The following ANKDD1B variants were observed in gnomAD, a reference collection of about 807,000 sequenced individuals.
The protein encoded by ANKDD1B is ankyrin repeat and death domain-containing protein 1B.
A neutral mutation model predicts 59.7 loss-of-function variants in ANKDD1B; 57 were observed. That is an observed-to-expected ratio of 0.95 (90% confidence interval 0.77 to 1.19). ANKDD1B has a LOEUF of 1.19. ANKDD1B is among the 50% of genes most tolerant of loss of function. The probability of loss-of-function intolerance (pLI) is 0.00; values close to 1 mark genes in which losing one functional copy is unlikely to be tolerated. For synonymous variants in ANKDD1B, 216 were observed against 239.5 expected (o/e 0.90, Z 0.91); for missense variants, 602 against 641.9 (o/e 0.94, Z 0.67).
Position 75,649,130 on chromosome 5 carries a change from G to A in ANKDD1B, c.799-4012G>A, listed in dbSNP as rs181457002. ...TAGGTCCTAAAAACTCATTCCTGGAGGTCCTACCTCACATTTTATCATACA... is the reference window on the plus strand; with the variant it reads ...TAGGTCCTAAAAACTCATTCCTGGAAGTCCTACCTCACATTTTATCATACA... On this transcript the variant is annotated intron_variant, in intron 7 of 13. Coordinates refer to ENST00000601380, the MANE Select transcript of ANKDD1B (RefSeq NM_001276713.2). Among the ~76,000 whole-genome samples, 192 of 151,698 alleles carry A rather than the reference G, an allele frequency of 1.3e-3. 2 individuals are homozygous for A. Among genetic ancestry groups the A allele is most frequent in the Non-Finnish European group, 1.2e-3 (79 of 67,980 alleles).
Position 75,635,016 on chromosome 5 carries a change from C to A in ANKDD1B, c.699+20C>A, listed in dbSNP as rs547009138. On this transcript the variant is annotated intron_variant, in intron 6 of 13. Coordinates refer to ENST00000601380, the MANE Select transcript of ANKDD1B (RefSeq NM_001276713.2). Reference sequence around the variant, plus strand: ...GACAAGGTGAGTTGGACTTTTATTTCTTTGCTGAGAACAAGAGAAAGGGGA... The same window carrying A: ...GACAAGGTGAGTTGGACTTTTATTTATTTGCTGAGAACAAGAGAAAGGGGA... 2.9e-5 allele frequency: 43 copies of A among 1,462,700 alleles called. No individual in the cohort carries two copies. The South Asian group carries it at 4.9e-4, about 17-fold the overall frequency. The allele number at this position is 1,462,700 out of a possible 1,614,324, so 90.6% of individuals were successfully genotyped here.
rs1316225031 is a variant in ANKDD1B at position 75,625,721 on chromosome 5, AG to A, written c.472del (p.Ala158GlnfsTer11). The A allele has an allele frequency of 6.5e-7, 1 of 1,536,370 alleles. No homozygotes were observed. The highest frequency in any genetic ancestry group is 1.2e-5 in the South Asian group (1 of 84,052). On this transcript the variant is annotated frameshift_variant, in exon 4 of 14. Coordinates refer to ENST00000601380, the MANE Select transcript of ANKDD1B (RefSeq NM_001276713.2). LOFTEE classifies it high-confidence loss of function. Reference protein sequence around the residue: ...EVMLMLVKAGADQRAKNQDGM... With the variant: ...EVMLMLVKAGXDQRAKNQDGM... ...TCATGCTCATGCTGGTTAAAGCTGGAGCAGACCAGAGAGCCAAGAATCAGGT... is the reference window on the plus strand; with the variant it reads ...TCATGCTCATGCTGGTTAAAGCTGGACAGACCAGAGAGCCAAGAATCAGGT...
intron 9 of ANKDD1B, among the ~76,000 whole-genome samples, chr5:75,657,065 A>G (rs751847800): frequency 1.2e-4 from 19 of 152,338 alleles, no homozygotes; most frequent in African/African-American, 3.4e-4. Flanking sequence ...TTTTCTGGGG[A>G]AAAAAACCAA....
intron 3 of ANKDD1B, among the ~76,000 whole-genome samples, chr5:75,623,839 C>G (rs1458792046): frequency 4.6e-5 from 7 of 152,144 alleles, no homozygotes; most frequent in Admixed American, 2.0e-4. Flanking sequence ...CAAAATCACC[C>G]CCAGTTGAGA....
At chr5:75,661,414 A>AAAAAAAAAAAG (rs1579976382) in intron 10 of ANKDD1B, among the ~76,000 whole-genome samples, 5 of 131,478 alleles carry the variant, frequency 3.8e-5, no homozygotes, top group African/African-American at 1.4e-4. Context: ...AAAAAAAAAA[A>AAAAAAAAAAAG]AAAAAAAAAA....
intron 3 of ANKDD1B, among the ~76,000 whole-genome samples, chr5:75,621,032 C>T (rs930638285): frequency 3.9e-5 from 6 of 152,206 alleles, no homozygotes; most frequent in East Asian, 1.9e-4. Flanking sequence ...TCTCCCTCCA[C>T]GCTGCTTTAT....
chr5:75,664,145 G>A (rs34355), intron 11 of ANKDD1B, among the ~76,000 whole-genome samples: 128,475 of 152,280 alleles, frequency 0.84, 54,514 homozygotes, highest in African/African-American at 0.94. Flanking sequence ...TCTAGGCTGC[G>A]TGGCTACCCC....
At chr5:75,644,764 G>A (rs1774593053) in intron 7 of ANKDD1B, among the ~76,000 whole-genome samples, 1 of 78,230 alleles carries the variant, frequency 1.3e-5, no homozygotes, top group South Asian at 4.4e-4. Context: ...GACATCTACA[G>A]AACTCTCCAC....
chr5:75,670,035 A>G (rs1482489806), intron 13 of ANKDD1B, among the ~76,000 whole-genome samples: 1 of 152,230 alleles, frequency 6.6e-6, no homozygotes, highest in Non-Finnish European at 1.5e-5. Context: ...AAGAAGATAA[A>G]TGAGTGAACA....
chr5:75,636,264 C>T (rs1774298150), intron 7 of ANKDD1B, among the ~76,000 whole-genome samples: 1 of 152,156 alleles, frequency 6.6e-6, no homozygotes, highest in African/African-American at 2.4e-5. Flanking sequence ...TTACAGTTTT[C>T]ACAGAAGAGG....
intron 7 of ANKDD1B, among the ~76,000 whole-genome samples, chr5:75,637,698 A>G (rs1464368435): frequency 6.6e-6 from 1 of 152,254 alleles, no homozygotes; most frequent in East Asian, 1.9e-4. Context: ...AAAGGAAAAA[A>G]TAAGCAAGAT....
At chr5:75,668,931 CTG>C (rs1021134294) in intron 12 of ANKDD1B, among the ~76,000 whole-genome samples, 8 of 152,180 alleles carry the variant, frequency 5.3e-5, no homozygotes, top group Non-Finnish European at 1.0e-4. Context: ...GAAATAAGCA[CTG>C]TGAGTTTGAA....
At chr5:75,619,592 C>T (rs927562580) in intron 2 of ANKDD1B, among the ~76,000 whole-genome samples, 3 of 152,112 alleles carry the variant, frequency 2.0e-5, no homozygotes, top group African/African-American at 7.2e-5. Flanking sequence ...ATAGTAAAGC[C>T]ATGCCCAGAC....
At chr5:75,662,719 G>A (rs546388805) in intron 10 of ANKDD1B, among the ~76,000 whole-genome samples, 1 of 152,168 alleles carries the variant, frequency 6.6e-6, no homozygotes, top group Non-Finnish European at 1.5e-5. Context: ...ATTCGTCTAA[G>A]TTACCATGTG....
At chr5:75,665,744 G>C (rs992660701) in intron 11 of ANKDD1B, among the ~76,000 whole-genome samples, 3 of 152,192 alleles carry the variant, frequency 2.0e-5, no homozygotes, top group Admixed American at 6.5e-5. Flanking sequence ...CTTCCTGGAG[G>C]AGGTTTCTGA....
chr5:75,623,205 A>G (rs1424363199), intron 3 of ANKDD1B, among the ~76,000 whole-genome samples: 1 of 151,976 alleles, frequency 6.6e-6, no homozygotes, highest in Non-Finnish European at 1.5e-5. Flanking sequence ...AGCTGGGATT[A>G]CAGGCATGCG....
At chr5:75,669,594 G>T (rs1775417307) in intron 13 of ANKDD1B, among the ~76,000 whole-genome samples, 1 of 152,120 alleles carries the variant, frequency 6.6e-6, no homozygotes, top group African/African-American at 2.4e-5. Flanking sequence ...TAGCCTGGCA[G>T]TTCTGTGTCA....
At chr5:75,637,100 C>A (rs1293616762) in intron 7 of ANKDD1B, among the ~76,000 whole-genome samples, 2 of 151,476 alleles carry the variant, frequency 1.3e-5, no homozygotes, top group Admixed American at 1.3e-4. Context: ...ACAAAATTAG[C>A]CGGGTGTACT....
chr5:75,644,787 G>A (rs1774593834), intron 7 of ANKDD1B, among the ~76,000 whole-genome samples: 1 of 86,908 alleles, frequency 1.2e-5, no homozygotes. Context: ...CAAATCAACA[G>A]AATATACATT....
Sources: allele counts gnomAD v4.1 joint callset (sites outside exome capture counted in the v4.1 genomes callset), GRCh38; gene constraint gnomAD v4.1.1; transcripts MANE v1.5; gene names NCBI Gene and HGNC (gene_info 2026-07-23, HGNC 2026-07-21).